Variants in ZNF732 observed in about 807,000 individuals in gnomAD.
ZNF732 encodes zinc finger protein LOC654254.
Under a neutral mutation model 11.5 loss-of-function variants are expected in ZNF732, and 12 were observed. That is an observed-to-expected ratio of 1.05 (90% CI 0.67 to 1.70). The LOEUF (loss-of-function observed/expected upper bound fraction) is 1.70. ZNF732 is among the 40% of genes most tolerant of loss of function. The pLI is 0.00. For missense variants in ZNF732, 702 were observed against 676.9 expected, an observed-to-expected ratio of 1.04 and a Z score of -0.41; for synonymous variants, 231 against 236.5, an observed-to-expected ratio of 0.98 and a Z score of 0.21.
Position 271,669 on chromosome 4 carries a change from T to G in ZNF732, c.1188A>C (p.Gly396=), listed in dbSNP as rs1182825542. The G allele has an allele frequency of 4.3e-6, 7 of 1,610,450 alleles. No individual in the cohort carries two copies. The highest frequency in any genetic ancestry group is 5.9e-6 in the Non-Finnish European group (7 of 1,178,436). The change falls in exon 4 of 4, where the codon GGA becomes GGC. Residue 396 remains glycine, a synonymous_variant. Transcript: ENST00000419098. ...GGGTTGTGAACCGACTAAAGGCTTT[T>G]CCACATTCTTCACATGTGTAGGGTT... ...GEKPYTCEEC[G]KAFSRFTTLN...
chr4:283,781 A>G (rs782435880), intron 3 of ZNF732, among the ~76,000 whole-genome samples: 7 of 152,234 alleles, frequency 4.6e-5, no homozygotes, highest in Non-Finnish European at 1.0e-4. Context: ...ATTTCATCCA[A>G]AAGAATAATT....
intron 3 of ZNF732, among the ~76,000 whole-genome samples, chr4:291,879 C>A (rs560678643): frequency 1.6e-3 from 237 of 152,094 alleles, no homozygotes; most frequent in Non-Finnish European, 2.7e-3. Flanking sequence ...TATAAAAAAA[C>A]CAATGGAACA....
intron 1 of ZNF732, among the ~76,000 whole-genome samples, chr4:299,468 T>TAC (rs1720054593): frequency 9.1e-6 from 1 of 109,840 alleles, no homozygotes; most frequent in South Asian, 3.1e-4. Flanking sequence ...TGTGTATATA[T>TAC]ATATACACAT....
chr4:291,535 T>A (rs908386125), intron 3 of ZNF732, among the ~76,000 whole-genome samples: 2 of 152,220 alleles, frequency 1.3e-5, no homozygotes, highest in Admixed American at 1.3e-4. Flanking sequence ...ATACAAAATC[T>A]AGTGTATAAC....
chr4:294,023 C>CA (rs1719897806), intron 3 of ZNF732, among the ~76,000 whole-genome samples: 1 of 152,096 alleles, frequency 6.6e-6, no homozygotes, highest in Non-Finnish European at 1.5e-5. Flanking sequence ...TTTTTGGAGA[C>CA]AGAGTTTTGC....
intron 1 of ZNF732, among the ~76,000 whole-genome samples, chr4:299,435 GTA>G (rs534173072): frequency 0.56 from 53,640 of 95,168 alleles, 16,906 homozygotes; most frequent in Non-Finnish European, 0.59. Flanking sequence ...ACACATATGT[GTA>G]TATATATATA....
Position 271,671 on chromosome 4 carries a change from C to T in ZNF732, c.1186G>A (p.Gly396Arg), listed in dbSNP as rs1553837513. ...GEKPYTCEEC[G>R]KAFSRFTTLN... ...GTTGTGAACCGACTAAAGGCTTTTC[C>T]ACATTCTTCACATGTGTAGGGTTTC... Residue 396 changes from glycine to arginine, a missense_variant, in exon 4 of 4, where the codon GGA becomes AGA. Coordinates refer to ENST00000419098, the MANE Select transcript of ZNF732 (RefSeq NM_001137608.3). 1 of 1,611,022 alleles carries T rather than the reference C, an allele frequency of 6.2e-7. No homozygotes were observed. The highest frequency in any genetic ancestry group is 8.5e-7 in the Non-Finnish European group (1 of 1,178,564).
intron 1 of ZNF732, among the ~76,000 whole-genome samples, chr4:302,361 T>C (rs1553843739): frequency 2.0e-5 from 3 of 152,200 alleles, no homozygotes; most frequent in Admixed American, 6.5e-5. Flanking sequence ...ATGTGCATCA[T>C]AGGCAATCTA....
At chr4:298,614 C>T (rs1333037210) in intron 1 of ZNF732, among the ~76,000 whole-genome samples, 6 of 152,148 alleles carry the variant, frequency 3.9e-5, no homozygotes, top group Admixed American at 6.5e-5. Context: ...GGTTGAGTGT[C>T]CCCAGTGACC....
intron 1 of ZNF732, among the ~76,000 whole-genome samples, chr4:300,078 C>T (rs1305382702): frequency 1.3e-5 from 2 of 151,552 alleles, no homozygotes; most frequent in East Asian, 3.9e-4. Context: ...TTCTTATTGG[C>T]TTATAGAAGT....
At chr4:283,836 A>G (rs1398483518) in intron 3 of ZNF732, among the ~76,000 whole-genome samples, 3 of 152,220 alleles carry the variant, frequency 2.0e-5, no homozygotes, top group Non-Finnish European at 4.4e-5. Context: ...AGCATACATC[A>G]TAAATCTGGC....
At chr4:279,362 C>T (rs782229164) in intron 3 of ZNF732, among the ~76,000 whole-genome samples, 1 of 151,402 alleles carries the variant, frequency 6.6e-6, no homozygotes, top group Non-Finnish European at 1.5e-5. Flanking sequence ...AGGAGAATGG[C>T]GTGAACCCGG....
chr4:297,908 T>C (rs1719992359), intron 1 of ZNF732, among the ~76,000 whole-genome samples: 1 of 151,980 alleles, frequency 6.6e-6, no homozygotes, highest in African/African-American at 2.4e-5. Flanking sequence ...GGACAGAGAG[T>C]GGGCCCTAGA....
chr4:299,269 G>C (rs529799846), intron 1 of ZNF732, among the ~76,000 whole-genome samples: 3 of 150,522 alleles, frequency 2.0e-5, no homozygotes, highest in African/African-American at 4.9e-5. Context: ...AGTTTATTTG[G>C]GCCAAAACTT....
At chr4:295,634 T>A in intron 2 of ZNF732, 101 bp from the exon 3 acceptor site, 3 of 1,040,732 alleles carry the variant, frequency 2.9e-6, no homozygotes, top group South Asian at 1.7e-5. Flanking sequence ...AGATCCTACA[T>A]AATTAATCCA....
intron 1 of ZNF732, 66 bp from the exon 2 acceptor site, chr4:296,221 A>C: frequency 6.3e-7 from 1 of 1,579,410 alleles, no homozygotes. Context: ...GAGTTAAGAG[A>C]ACTAGTTCTG....
At chr4:278,877 T>C (rs1213089733) in intron 3 of ZNF732, among the ~76,000 whole-genome samples, 1 of 152,240 alleles carries the variant, frequency 6.6e-6, no homozygotes, top group Non-Finnish European at 1.5e-5. Flanking sequence ...AGGCTATTGC[T>C]TCCTAGTCTG....
chr4:298,096 T>C (rs1449273197), intron 1 of ZNF732, among the ~76,000 whole-genome samples: 2 of 152,208 alleles, frequency 1.3e-5, no homozygotes, highest in Non-Finnish European at 2.9e-5. Flanking sequence ...CACAATTATA[T>C]TAGAAGCTAA....
chr4:285,328 A>G (rs1473437079), intron 3 of ZNF732, among the ~76,000 whole-genome samples: 1 of 152,168 alleles, frequency 6.6e-6, no homozygotes, highest in East Asian at 1.9e-4. Context: ...GTGCAGGGAG[A>G]TAAGATGGTC....
Sources: gnomAD v4.1 joint callset for allele counts (sites outside exome capture counted in the v4.1 genomes callset) on GRCh38, gnomAD v4.1.1 for gene constraint, MANE v1.5 for transcripts, NCBI Gene and HGNC (gene_info 2026-07-23, HGNC 2026-07-21) for gene names.